NUP54: variants seen among roughly 807,000 people sequenced by gnomAD.
The protein encoded by NUP54 is nucleoporin 54, also known as nucleoporin p54.
NUP54 carries 27 observed loss-of-function variants against 66.4 expected under a neutral mutation model. That is an observed-to-expected ratio of 0.41 (90% CI 0.30 to 0.56). The LOEUF is 0.56. Ranked by LOEUF, NUP54 falls within the 20% of genes least tolerant of loss-of-function variation. The pLI is 0.34. For missense variants in NUP54, 486 were observed against 596.3 expected, an observed-to-expected ratio of 0.82 and a Z score of 1.93; for synonymous variants, 206 against 210.7, an observed-to-expected ratio of 0.98 and a Z score of 0.19.
chr4:76,114,786 G>A lies in NUP54; in HGVS notation c.*580C>T, dbSNP rs866481433. 1 of 152,142 alleles carries A rather than the reference G, an allele frequency of 6.6e-6. No homozygotes were observed. Among genetic ancestry groups the A allele is most frequent in the African/African-American group, 2.4e-5 (1 of 41,438 alleles). 9.4% of individuals were successfully genotyped at this position (152,142 alleles called of 1,614,324 possible). A position where few individuals can be genotyped will look rare whatever the true frequency, so the allele number is the denominator to read the frequency against. ...GTTTTGTTATATCCTAATTGCTTAG[G>A]TGTGCTCTGTAAATTCCAAATAAGT... is the stretch of plus-strand genomic sequence containing the variant. On this transcript the variant is annotated 3_prime_UTR_variant, in exon 12 of 12. Transcript: ENST00000264883.
chr4:76,115,575 T>G, intron 11 of NUP54, 81 bp from the exon 12 acceptor site: 1 of 1,137,612 alleles, frequency 8.8e-7, no homozygotes, highest in Non-Finnish European at 1.2e-6. Flanking sequence ...AGACTCCACT[T>G]TGACTATTTT....
intron 9 of NUP54, 53 bp downstream of exon 9, chr4:76,124,596 T>C: frequency 1.4e-6 from 1 of 699,146 alleles, no homozygotes; most frequent in Non-Finnish European, 2.4e-6. Context: ...TTTAGTACAT[T>C]ATTTCACACA....
At chr4:76,144,815 A>C (rs1210826349) in intron 1 of NUP54, among the ~76,000 whole-genome samples, 1 of 152,186 alleles carries the variant, frequency 6.6e-6, no homozygotes, top group Non-Finnish European at 1.5e-5. Flanking sequence ...AGGTGTTGCA[A>C]ATTCATATGC....
rs1730940603 is a variant in NUP54, at chr4:76,134,364, T to C, written c.523-2A>G. 6.2e-7 allele frequency: 1 copy of C among 1,606,426 alleles called. No homozygotes were observed. Among genetic ancestry groups the C allele is most frequent in the Non-Finnish European group, 8.5e-7 (1 of 1,176,504 alleles). On this transcript the variant is annotated splice_acceptor_variant, in intron 4 of 11. Coordinates refer to ENST00000264883, the MANE Select transcript of NUP54 (RefSeq NM_017426.4). LOFTEE classifies it high-confidence loss of function. ...GGGCATGCAACTATAACCTACTGCC[T>C]GTGGAATGACAAAATAAACAATATA...
chr4:76,136,549 C>T, intron 3 of NUP54, 137 bp from the exon 4 acceptor site: 1 of 626,166 alleles, frequency 1.6e-6, no homozygotes, highest in Non-Finnish European at 2.8e-6. Context: ...AATATGTTAT[C>T]TTACATAGCA....
chr4:76,137,054 A>C (rs1731069344), intron 3 of NUP54, among the ~76,000 whole-genome samples: 2 of 152,196 alleles, frequency 1.3e-5, no homozygotes, highest in African/African-American at 4.8e-5. Context: ...CAGTGGCAAG[A>C]TCATGGCTCA....
intron 3 of NUP54, among the ~76,000 whole-genome samples, chr4:76,137,851 A>G (rs1202723192): frequency 6.6e-6 from 1 of 152,210 alleles, no homozygotes; most frequent in Non-Finnish European, 1.5e-5. Context: ...TTTTCCTTAG[A>G]GCAAATGATA....
chr4:76,144,165 C>CTGT lies in NUP54; in HGVS notation c.276_278dup (p.Gln97dup), dbSNP rs36024409. ...CATACTTACTAGTTTGCTGCTGCTGCTGTGTATTAAATCCTCCAAATCCCA... is the reference window on the plus strand; with the variant it reads ...CATACTTACTAGTTTGCTGCTGCTGCTGTTGTGTATTAAATCCTCCAAATCCCA... On this transcript the variant is annotated inframe_insertion, in exon 3 of 12. Coordinates refer to ENST00000264883, the MANE Select transcript of NUP54 (RefSeq NM_017426.4). The CTGT allele has an allele frequency of 0.15, 237,540 of 1,612,196 alleles. 19,021 individuals carry two copies. Among genetic ancestry groups the CTGT allele is most frequent in the East Asian group, 0.35 (15,514 of 44,842 alleles).
At chr4:76,142,154 T>C (rs1731293002) in intron 3 of NUP54, among the ~76,000 whole-genome samples, 1 of 152,236 alleles carries the variant, frequency 6.6e-6, no homozygotes, top group Admixed American at 6.5e-5. Context: ...TAACTACAGT[T>C]ACTCATAGTT....
chr4:76,115,499 A>ATCTGC lies in NUP54; in HGVS notation c.1396-6_1396-5insGCAGA, dbSNP rs1729912811. The ATCTGC allele has an allele frequency of 6.3e-7, 1 of 1,589,474 alleles. No individual in the cohort carries two copies. Among genetic ancestry groups the ATCTGC allele is most frequent in the African/African-American group, 1.4e-5 (1 of 73,602 alleles). The stretch of plus-strand genomic sequence containing the variant: ...TTCCTGTTGTTGTTTCAAATGCTAG[A>ATCTGC]ACAAATTAAGAAACAACATATTAAT... On this transcript the variant is annotated splice_region_variant and splice_polypyrimidine_tract_variant and intron_variant, in intron 11 of 11. Transcript: ENST00000264883.
chr4:76,145,445 T>C (rs1731454863), intron 1 of NUP54: 1 of 385,190 alleles, frequency 2.6e-6, no homozygotes, highest in Non-Finnish European at 4.0e-6. Context: ...TGTTGCCAGT[T>C]AGCAACCTTG....
intron 3 of NUP54, among the ~76,000 whole-genome samples, chr4:76,139,911 A>C (rs1373045800): frequency 6.6e-6 from 1 of 152,122 alleles, no homozygotes; most frequent in Non-Finnish European, 1.5e-5. Flanking sequence ...TGTTCACTGG[A>C]TTTACTGAGA....
intron 4 of NUP54, among the ~76,000 whole-genome samples, chr4:76,135,100 T>C (rs550465037): frequency 6.6e-6 from 1 of 152,134 alleles, no homozygotes; most frequent in Non-Finnish European, 1.5e-5. Flanking sequence ...TATAAAGAAG[T>C]AATTTACAAA....
At chr4:76,136,049 A>G (rs562223817) in intron 4 of NUP54, 137 bp downstream of exon 4, 11 of 653,044 alleles carry the variant, frequency 1.7e-5, no homozygotes, top group East Asian at 5.6e-5. Flanking sequence ...TATAATTTCT[A>G]TATTTTCAAA....
chr4:76,147,384 A>G, intron 1 of NUP54: 1 of 756,740 alleles, frequency 1.3e-6, no homozygotes, highest in Non-Finnish European at 1.8e-6. Context: ...TTTCCCTATT[A>G]GACAAGTAAC....
At chr4:76,141,298 C>CTAG (rs1731260232) in intron 3 of NUP54, among the ~76,000 whole-genome samples, 2 of 152,134 alleles carry the variant, frequency 1.3e-5, no homozygotes, top group African/African-American at 4.8e-5. Flanking sequence ...GAGTTTTGTT[C>CTAG]TAGTACTCTC....
chr4:76,143,365 G>A (rs531393333), intron 3 of NUP54, among the ~76,000 whole-genome samples: 90 of 152,330 alleles, frequency 5.9e-4, no homozygotes, highest in Non-Finnish European at 9.3e-4. Context: ...CAGCACTTTG[G>A]GAGGCCGAGG....
rs1418471545 is a variant in NUP54 at position 76,124,678 on chromosome 4, G to A, written c.1135C>T (p.Leu379Phe). 5 of 1,542,840 alleles carry A rather than the reference G, an allele frequency of 3.2e-6. No homozygotes were observed. The highest frequency in any genetic ancestry group is 1.4e-5 in the African/African-American group (1 of 70,858). The change falls in exon 9 of 12, where the codon CTC becomes TTC. Residue 379 changes from leucine to phenylalanine, a missense_variant. Leu to Phe is a conservative substitution (Grantham distance 22, BLOSUM62 0). Transcript: ENST00000264883. The stretch of plus-strand genomic sequence containing the variant: ...AAAGTTCTATGGGAAAGATCCATGA[G>A]TTTCCTCTTGTATTGTGCAATTTTG... ...VAKIAQYKRK[L>F]MDLSHRTLQV... is the part of the protein sequence containing the mutation.
rs145650756 is a variant in NUP54, at chr4:76,135,373, A to G, written c.522+813T>C. 1.8e-3 allele frequency among the ~76,000 whole-genome samples: 275 copies of G among 152,370 alleles called. 4 individuals are homozygous for G. Among genetic ancestry groups the G allele is most frequent in the African/African-American group, 6.5e-3 (270 of 41,588 alleles). On this transcript the variant is annotated intron_variant, in intron 4 of 11. Transcript: ENST00000264883. Reference sequence around the variant, plus strand: ...CATTATGCATTTTACCATGTTATACACCAACTTTATTGTTATATTCAACTT... The same window carrying G: ...CATTATGCATTTTACCATGTTATACGCCAACTTTATTGTTATATTCAACTT...
Sources: allele counts gnomAD v4.1 joint callset (sites outside exome capture counted in the v4.1 genomes callset), GRCh38; gene constraint gnomAD v4.1.1; transcripts MANE v1.5; gene names NCBI Gene and HGNC (gene_info 2026-07-23, HGNC 2026-07-21).